Variants in STXBP5L observed in about 807,000 individuals in gnomAD.
The protein encoded by STXBP5L is syntaxin-binding protein 5-like.
STXBP5L carries 65 observed loss-of-function variants against 144.5 expected under a neutral mutation model. The ratio of observed to expected loss-of-function variants is 0.45; its 90% CI spans 0.37 to 0.55. STXBP5L has a LOEUF of 0.55. Ranked by LOEUF, STXBP5L falls within the 20% of genes least tolerant of loss-of-function variation. STXBP5L has a pLI of 0.00. For synonymous variants in STXBP5L, 505 were observed against 469.6 expected (o/e 1.08, Z -0.97); for missense variants, 1,298 against 1,405.5 (o/e 0.92, Z 1.22).
At position 121,419,205 on chromosome 3, in the gene STXBP5L, C is replaced by T; in HGVS notation, c.*108C>T. 1.9e-6 allele frequency: 2 copies of T among 1,080,562 alleles called. No homozygotes were observed. Among genetic ancestry groups the T allele is most frequent in the Non-Finnish European group, 2.7e-6 (2 of 747,748 alleles). 66.9% of individuals were successfully genotyped at this position (1,080,562 alleles called of 1,614,324 possible). A position where few individuals can be genotyped will look rare whatever the true frequency, so the allele number is the denominator to read the frequency against. ...AAGCCAGTTTCTTCTACAAAATGTT[C>T]CATTTACAGTCAATCTGAAATTTTC... is the stretch of plus-strand genomic sequence containing the variant. On this transcript the variant is annotated 3_prime_UTR_variant, in exon 27 of 27. Coordinates refer to ENST00000471454, the MANE Select transcript of STXBP5L (RefSeq NM_001308330.2).
In STXBP5L at chr3:121,041,714, G is replaced by A. The variant is rs760939427; in HGVS notation, c.302G>A (p.Gly101Asp). ...TGAIRILGRP[G>D]VDCYCQHESG... Reference sequence around the variant, plus strand: ...TATTATATTAGACTCGGGAGACCTGGTGTTGATTGCTATTGCCAACATGAA... The same window carrying A: ...TATTATATTAGACTCGGGAGACCTGATGTTGATTGCTATTGCCAACATGAA... Residue 101 changes from glycine to aspartate, a missense_variant, in exon 4 of 27, where the codon GGT becomes GAT. By Grantham distance (94) the Gly-to-Asp change is moderately conservative (BLOSUM62 -1). Coordinates refer to ENST00000471454, the MANE Select transcript of STXBP5L (RefSeq NM_001308330.2). 5.6e-6 allele frequency: 9 copies of A among 1,612,240 alleles called. No homozygotes were observed. Among genetic ancestry groups the A allele is most frequent in the East Asian group, 2.2e-5 (1 of 44,746 alleles).
chr3:121,050,513 A>G (rs1057056018), intron 5 of STXBP5L, among the ~76,000 whole-genome samples: 1 of 152,076 alleles, frequency 6.6e-6, no homozygotes, highest in Non-Finnish European at 1.5e-5. Context: ...GAAATAAAAT[A>G]CTTTACAGAC....
At chr3:121,335,346 G>C (rs1453820317) in intron 20 of STXBP5L, among the ~76,000 whole-genome samples, 1 of 152,144 alleles carries the variant, frequency 6.6e-6, no homozygotes, top group East Asian at 1.9e-4. Flanking sequence ...TTCATGGATA[G>C]GAAGAATCAA....
chr3:121,284,473 C>A (rs2051164962), intron 19 of STXBP5L, among the ~76,000 whole-genome samples: 1 of 152,048 alleles, frequency 6.6e-6, no homozygotes, highest in African/African-American at 2.4e-5. Flanking sequence ...TGACATTTAG[C>A]CTAGATTCAT....
rs34307877 is a variant in STXBP5L at position 121,097,602 on chromosome 3, C to T, written c.471-17323C>T. 3.6e-3 allele frequency among the ~76,000 whole-genome samples: 552 copies of T among 152,200 alleles called. 3 individuals are homozygous for T. Among genetic ancestry groups the T allele is most frequent in the Non-Finnish European group, 5.6e-3 (383 of 67,990 alleles). On this transcript the variant is annotated intron_variant, in intron 5 of 26. Coordinates refer to ENST00000471454, the MANE Select transcript of STXBP5L (RefSeq NM_001308330.2). ...GACTTCTTGCACTTCCTGGGTGAGG[C>T]GATGCCCCACCCTGCTTCAGATCAC...
intron 9 of STXBP5L, among the ~76,000 whole-genome samples, chr3:121,181,975 C>T (rs1265475695): frequency 6.7e-6 from 1 of 149,992 alleles, no homozygotes; most frequent in African/African-American, 2.4e-5. Context: ...GAAAATACTA[C>T]AATCCTAAAT....
At chr3:121,124,375 C>T (rs769997788) in intron 7 of STXBP5L, among the ~76,000 whole-genome samples, 4 of 151,736 alleles carry the variant, frequency 2.6e-5, no homozygotes, top group Admixed American at 2.0e-4. Context: ...GTTTGAAATT[C>T]GAGTGTATAA....
chr3:121,278,214 G>A (rs2050944220), intron 18 of STXBP5L, among the ~76,000 whole-genome samples: 1 of 151,898 alleles, frequency 6.6e-6, no homozygotes. Context: ...TACCTTGGTT[G>A]CTATCCTTCT....
chr3:121,054,103 G>C (rs1289138812), intron 5 of STXBP5L, among the ~76,000 whole-genome samples: 4 of 152,188 alleles, frequency 2.6e-5, no homozygotes, highest in Admixed American at 2.6e-4. Flanking sequence ...AGGTGCTGGA[G>C]AGGATGTGGA....
chr3:121,204,633 A>G (rs73191432), intron 9 of STXBP5L, among the ~76,000 whole-genome samples: 1,656 of 144,708 alleles, frequency 0.011, 10 homozygotes, highest in Middle Eastern at 0.037. Flanking sequence ...ACAATGTATT[A>G]CATAGGTATC....
rs531080894 is a variant in STXBP5L at position 121,049,181 on chromosome 3, G to A, written c.470+3646G>A. On this transcript the variant is annotated intron_variant, in intron 5 of 26. Coordinates refer to ENST00000471454, the MANE Select transcript of STXBP5L (RefSeq NM_001308330.2). ...AAACAGTCTGCTGCTTTTCTGTAAGGTGGCTGCACTGTGCTAGGGGTTCAT... is the reference window on the plus strand; with the variant it reads ...AAACAGTCTGCTGCTTTTCTGTAAGATGGCTGCACTGTGCTAGGGGTTCAT... Among the ~76,000 whole-genome samples the A allele has an allele frequency of 6.4e-4, 98 of 152,304 alleles. 1 individual carries two copies. Among genetic ancestry groups the A allele is most frequent in the African/African-American group, 2.2e-3 (92 of 41,568 alleles).
chr3:121,353,010 C>A (rs2045357377), intron 20 of STXBP5L, among the ~76,000 whole-genome samples: 1 of 152,124 alleles, frequency 6.6e-6, no homozygotes, highest in South Asian at 2.1e-4. Context: ...GTTGAACCAG[C>A]ATTGCATCCC....
At chr3:121,124,250 T>C (rs1281469790) in intron 7 of STXBP5L, among the ~76,000 whole-genome samples, 1 of 151,932 alleles carries the variant, frequency 6.6e-6, no homozygotes, top group Non-Finnish European at 1.5e-5. Context: ...TGATATCTGG[T>C]AAGCTGGTCC....
At chr3:120,955,731 A>T (rs1330302511) in intron 3 of STXBP5L, among the ~76,000 whole-genome samples, 1 of 152,122 alleles carries the variant, frequency 6.6e-6, no homozygotes, top group Middle Eastern at 3.4e-3. Context: ...TACAATCAAG[A>T]TACAAAACAT....
chr3:121,009,438 C>T (rs1944604229), intron 3 of STXBP5L, among the ~76,000 whole-genome samples: 1 of 151,990 alleles, frequency 6.6e-6, no homozygotes, highest in South Asian at 2.1e-4. Flanking sequence ...AAGTTTATGA[C>T]TAAGTGTACT....
At chr3:120,986,575 T>C (rs1209174312) in intron 3 of STXBP5L, among the ~76,000 whole-genome samples, 1 of 151,976 alleles carries the variant, frequency 6.6e-6, no homozygotes, top group Non-Finnish European at 1.5e-5. Flanking sequence ...TATTGAAACA[T>C]TTTGTTAATA....
Position 121,257,222 on chromosome 3 carries a change from G to A in STXBP5L, c.1721G>A (p.Ser574Asn). 1.2e-6 allele frequency: 2 copies of A among 1,613,754 alleles called. No homozygotes were observed. Among genetic ancestry groups the A allele is most frequent in the South Asian group, 1.1e-5 (1 of 91,048 alleles). ...ATTATTACCCCTGAACCAGAAACAA[G>A]TCCTCCGTTTCCAGATCTCTCAGCC... ...EDIITPEPET[S>N]PPFPDLSAQL... The change falls in exon 17 of 27, where the codon AGT (serine) becomes AAT (asparagine). Residue 574 changes from serine (S) to asparagine (N), a missense_variant. By Grantham distance (46) the Ser-to-Asn change is conservative. Transcript: ENST00000471454.
chr3:121,119,669 A>T (rs1056133571), intron 6 of STXBP5L, among the ~76,000 whole-genome samples: 1 of 151,298 alleles, frequency 6.6e-6, no homozygotes, highest in African/African-American at 2.4e-5. Flanking sequence ...ATTTCTCATG[A>T]CCATAAGTTT....
At chr3:121,053,098 C>G (rs963303214) in intron 5 of STXBP5L, among the ~76,000 whole-genome samples, 4 of 152,070 alleles carry the variant, frequency 2.6e-5, no homozygotes, top group Non-Finnish European at 4.4e-5. Context: ...ATAGAGGATA[C>G]AAACAAATGG....
Sources: gnomAD v4.1 joint callset for allele counts (sites outside exome capture counted in the v4.1 genomes callset) on GRCh38, gnomAD v4.1.1 for gene constraint, MANE v1.5 for transcripts, NCBI Gene and HGNC (gene_info 2026-07-23, HGNC 2026-07-21) for gene names.